TXLNB: variants seen among roughly 807,000 people sequenced by gnomAD.
The protein encoded by TXLNB is beta-taxilin.
Under a neutral mutation model 57.4 loss-of-function variants are expected in TXLNB, and 37 were observed. The observed-to-expected ratio is 0.64, with a 90% CI of 0.50 to 0.85. The LOEUF is 0.85. TXLNB is among the 40% of genes least tolerant of loss of function. The probability of loss-of-function intolerance (pLI) is 0.00; values close to 1 mark genes in which losing one functional copy is unlikely to be tolerated. For missense variants in TXLNB, 848 were observed against 825.6 expected (o/e 1.03, Z -0.33); for synonymous variants, 302 against 309.6 (o/e 0.98, Z 0.26).
chr6:139,309,948 T>C, the TXLNB span, among the ~76,000 whole-genome samples: 2 of 152,192 alleles, frequency 1.3e-5, no homozygotes, highest in Non-Finnish European at 2.9e-5. Flanking sequence ...GAAATTGGAC[T>C]CTTGTCTTAC....
At chr6:139,270,758 A>C in intron 3 of TXLNB, 132 bp from the exon 4 acceptor site, 1 of 743,350 alleles carries the variant, frequency 1.3e-6, no homozygotes. Flanking sequence ...TTCCTCTGGA[A>C]GTAAATGAAA....
At chr6:139,309,492 T>C in the TXLNB span, among the ~76,000 whole-genome samples, 1 of 152,218 alleles carries the variant, frequency 6.6e-6, no homozygotes, top group Non-Finnish European at 1.5e-5. Flanking sequence ...GATAGGCCTA[T>C]TTGTTCTCAC....
chr6:139,300,440 C>A, the TXLNB span, among the ~76,000 whole-genome samples: 1 of 152,142 alleles, frequency 6.6e-6, no homozygotes, highest in African/African-American at 2.4e-5. Flanking sequence ...CTTTATCTTC[C>A]CAATTATGTC....
chr6:139,235,661 T>C (rs1483115682), downstream of TXLNB, among the ~76,000 whole-genome samples: 1 of 151,902 alleles, frequency 6.6e-6, no homozygotes, highest in Admixed American at 6.6e-5. Context: ...GAAGTGCTGG[T>C]AGAGAAAGGC....
At chr6:139,313,484 T>G in the TXLNB span, among the ~76,000 whole-genome samples, 1 of 151,962 alleles carries the variant, frequency 6.6e-6, no homozygotes, top group African/African-American at 2.4e-5. Context: ...TCCTCTTGCA[T>G]GACAGCAATT....
chr6:139,319,188 C>T, the TXLNB span, among the ~76,000 whole-genome samples: 302 of 151,816 alleles, frequency 2.0e-3, 1 homozygote, highest in Non-Finnish European at 3.3e-3. Flanking sequence ...GTGATCTGCC[C>T]GCCTCGGCCT....
chr6:139,318,420 C>T, the TXLNB span, among the ~76,000 whole-genome samples: 136 of 151,108 alleles, frequency 9.0e-4, no homozygotes, highest in African/African-American at 3.0e-3. Flanking sequence ...CAAAAGGAAA[C>T]GAGAAAGAGA....
the TXLNB span, chr6:139,167,086 G>A: frequency 4.3e-5 from 69 of 1,614,084 alleles, no homozygotes; most frequent in Non-Finnish European, 5.7e-5. Flanking sequence ...ACATCCCCAG[G>A]CATAAGCTGA....
chr6:139,167,709 C>T, the TXLNB span, among the ~76,000 whole-genome samples: 1 of 152,106 alleles, frequency 6.6e-6, no homozygotes, highest in Non-Finnish European at 1.5e-5. Context: ...TGAGGAAAAG[C>T]AGTGGTCAGA....
rs1033309764 is a variant in TXLNB at position 139,284,088 on chromosome 6, C to T, written c.424+4388G>A. On this transcript the variant is annotated intron_variant, in intron 2 of 9. Transcript: ENST00000358430. ...TCTCCCATGCTCGCCTAAAAATTTT[C>T]CTGTTCCTGCTCTTGCACTTACACT... is the stretch of plus-strand genomic sequence containing the variant. 2.7e-5 allele frequency among the ~76,000 whole-genome samples: 4 copies of T among 145,594 alleles called. 1 individual carries two copies. The highest frequency in any genetic ancestry group is 6.7e-5 in the Admixed American group (1 of 14,844).
the TXLNB span, among the ~76,000 whole-genome samples, chr6:139,316,253 A>G: frequency 1.4e-4 from 22 of 152,182 alleles, no homozygotes; most frequent in African/African-American, 4.8e-4. Context: ...TCCTTATAAA[A>G]TCCAGTTTTA....
At chr6:139,180,368 A>G in the TXLNB span, 1 of 152,632 alleles carries the variant, frequency 6.6e-6, no homozygotes, top group Non-Finnish European at 1.5e-5. Flanking sequence ...CTTAATACAC[A>G]GTCTGTTCTC....
At chr6:139,219,343 G>C in the TXLNB span, among the ~76,000 whole-genome samples, 1 of 152,204 alleles carries the variant, frequency 6.6e-6, no homozygotes, top group African/African-American at 2.4e-5. Context: ...GGCCTGAGCT[G>C]ACCAAGTCAC....
At chr6:139,256,706 A>G (rs1486846699) in intron 6 of TXLNB, among the ~76,000 whole-genome samples, 1 of 152,278 alleles carries the variant, frequency 6.6e-6, no homozygotes, top group East Asian at 1.9e-4. Context: ...TGATACAATA[A>G]GAACTATGTA....
chr6:139,248,364 T>G (rs1776117548), intron 7 of TXLNB, among the ~76,000 whole-genome samples: 1 of 151,276 alleles, frequency 6.6e-6, no homozygotes, highest in African/African-American at 2.4e-5. Flanking sequence ...GGCATGGTGG[T>G]GGGCACCTGT....
chr6:139,217,600 G>A, the TXLNB span, among the ~76,000 whole-genome samples: 2 of 151,988 alleles, frequency 1.3e-5, no homozygotes, highest in East Asian at 1.9e-4. Flanking sequence ...TGGGCGTGGC[G>A]GCTCACACCT....
chr6:139,318,744 A>T, the TXLNB span, among the ~76,000 whole-genome samples: 1 of 152,204 alleles, frequency 6.6e-6, no homozygotes, highest in Non-Finnish European at 1.5e-5. Flanking sequence ...GAAGGTAAAG[A>T]CATTTTTTCC....
In TXLNB at chr6:139,243,216, G is replaced by A; in HGVS notation, c.1365C>T (p.His455=). 6.2e-7 allele frequency: 1 copy of A among 1,613,986 alleles called. No homozygotes were observed. Among genetic ancestry groups the A allele is most frequent in the East Asian group, 2.2e-5 (1 of 44,864 alleles). ...ATATTTCTGCGTCTCTGATTTTTTTGTGGAGTTCGTTTCTCTCTTCTTGTA... is the reference window on the plus strand; with the variant it reads ...ATATTTCTGCGTCTCTGATTTTTTTATGGAGTTCGTTTCTCTCTTCTTGTA... ...RALQEERNEL[H]KKIRDAEISE... Residue 455 remains histidine (H), a synonymous_variant, in exon 10 of 10, where the codon CAC becomes CAT. Transcript: ENST00000358430.
chr6:139,215,285 C>T, the TXLNB span, among the ~76,000 whole-genome samples: 1 of 152,020 alleles, frequency 6.6e-6, no homozygotes, highest in Non-Finnish European at 1.5e-5. Flanking sequence ...GAGATACAGA[C>T]CAATGGAACA....
Sources: allele counts gnomAD v4.1 joint callset (sites outside exome capture counted in the v4.1 genomes callset), GRCh38; gene constraint gnomAD v4.1.1; transcripts MANE v1.5; gene names NCBI Gene and HGNC (gene_info 2026-07-23, HGNC 2026-07-21).